Variants in LAMA2 observed in about 807,000 individuals in gnomAD.
The protein encoded by LAMA2 is laminin subunit alpha-2.
LAMA2 carries 269 observed loss-of-function variants against 364.8 expected under a neutral mutation model. That is an observed-to-expected ratio of 0.74 (90% CI 0.67 to 0.82). The LOEUF is 0.82. Among genes scored for constraint, LAMA2 ranks in the 40% least tolerant of loss-of-function variants. LAMA2 has a pLI of 0.00. For synonymous variants in LAMA2, 1,379 were observed against 1,370.6 expected (o/e 1.01, Z -0.14); for missense variants, 3,807 against 3,873.2 (o/e 0.98, Z 0.45).
At chr6:128,905,476 A>C (rs1370938288) in intron 1 of LAMA2, 1 of 152,136 alleles carries the variant, frequency 6.6e-6, no homozygotes, top group East Asian at 1.9e-4. Context: ...GATTAGGACT[A>C]TTGCAGTTAT....
At chr6:129,431,314 G>T (rs1781579769) in intron 41 of LAMA2, among the ~76,000 whole-genome samples, 1 of 151,514 alleles carries the variant, frequency 6.6e-6, no homozygotes, top group Admixed American at 6.6e-5. Context: ...TAGGAGAATT[G>T]CTGGAACCCA....
rs529373188 is a variant in LAMA2 at position 129,221,713 on chromosome 6, C to G, written c.1783-28399C>G. Among the ~76,000 whole-genome samples the G allele has an allele frequency of 7.9e-5, 12 of 152,212 alleles. No homozygotes were observed. In the East Asian group the frequency reaches 2.3e-3, roughly 29 times the overall value. ...TTTTAAAGTTTAATATTCACACACCCTATGACCCAACAATTTTCTAGATGT... is the reference window on the plus strand; with the variant it reads ...TTTTAAAGTTTAATATTCACACACCGTATGACCCAACAATTTTCTAGATGT... On this transcript the variant is annotated intron_variant, in intron 12 of 64. Coordinates refer to ENST00000421865, the MANE Select transcript of LAMA2 (RefSeq NM_000426.4).
intron 16 of LAMA2, among the ~76,000 whole-genome samples, chr6:129,270,266 TACACACACACACACACACACACACACAC>T (rs10522614): frequency 1.4e-5 from 2 of 142,934 alleles, no homozygotes; most frequent in African/African-American, 5.3e-5. Context: ...GCTCTATGAC[TACACACACACACACACACACACACACAC>T]ACACACACAC....
At position 129,205,478 on chromosome 6, in the gene LAMA2, G is replaced by GTATATATATATATATATATATATA. The variant is rs749614184; in HGVS notation, c.1782+12641_1782+12642insTATATATATATATATATATATATA. Among the ~76,000 whole-genome samples, 142 of 116,138 alleles carry GTATATATATATATATATATATATA rather than the reference G, an allele frequency of 1.2e-3. 1 individual carries two copies. Among genetic ancestry groups the GTATATATATATATATATATATATA allele is most frequent in the African/African-American group, 3.5e-3 (76 of 21,902 alleles). 76.2% of individuals were successfully genotyped at this position (116,138 alleles called of 152,430 possible). A position where few individuals can be genotyped will look rare whatever the true frequency, so the allele number is the denominator to read the frequency against. ...TCTCTTCTGGGAATTTATTCTGTAAGTATATATATATATATACACACACAC... is the reference window on the plus strand; with the variant it reads ...TCTCTTCTGGGAATTTATTCTGTAAGTATATATATATATATATATATATATATATATATATATATACACACACAC... On this transcript the variant is annotated intron_variant, in intron 12 of 64. Coordinates refer to ENST00000421865, the MANE Select transcript of LAMA2 (RefSeq NM_000426.4).
At chr6:128,923,599 AG>A (rs1429182676) in intron 1 of LAMA2, among the ~76,000 whole-genome samples, 1 of 152,176 alleles carries the variant, frequency 6.6e-6, no homozygotes, top group African/African-American at 2.4e-5. Flanking sequence ...GAAAGGATGA[AG>A]ATATAGATAG....
chr6:129,471,834 GT>G (rs1472712898), intron 51 of LAMA2, among the ~76,000 whole-genome samples: 1 of 151,794 alleles, frequency 6.6e-6, no homozygotes, highest in Non-Finnish European at 1.5e-5. Flanking sequence ...CAAAAGTCTG[GT>G]TTGAGGTGTC....
intron 4 of LAMA2, among the ~76,000 whole-genome samples, chr6:129,133,537 C>G (rs779275693): frequency 1.3e-5 from 2 of 152,108 alleles, no homozygotes; most frequent in Non-Finnish European, 2.9e-5. Flanking sequence ...AGGCAAGTGT[C>G]AGAGTGTGGG....
intron 14 of LAMA2, among the ~76,000 whole-genome samples, chr6:129,255,600 T>A (rs544778748): frequency 6.6e-6 from 1 of 152,086 alleles, no homozygotes; most frequent in East Asian, 1.9e-4. Context: ...ACGATATAAC[T>A]CATGAGTATT....
intron 30 of LAMA2, among the ~76,000 whole-genome samples, chr6:129,343,997 T>A (rs1776410213): frequency 6.6e-6 from 1 of 152,112 alleles, no homozygotes; most frequent in Non-Finnish European, 1.5e-5. Context: ...AATTTCATGA[T>A]CACAGATGAA....
At chr6:129,077,894 A>C (rs1385189290) in intron 3 of LAMA2, among the ~76,000 whole-genome samples, 1 of 152,200 alleles carries the variant, frequency 6.6e-6, no homozygotes, top group Non-Finnish European at 1.5e-5. Flanking sequence ...GGCAGAGCAA[A>C]AGGATTTTTA....
chr6:129,048,019 G>A (rs1787653161), intron 1 of LAMA2, among the ~76,000 whole-genome samples: 1 of 152,070 alleles, frequency 6.6e-6, no homozygotes, highest in Non-Finnish European at 1.5e-5. Flanking sequence ...GCTGTAATCA[G>A]GAGCGAGTTA....
intron 3 of LAMA2, among the ~76,000 whole-genome samples, chr6:129,064,726 T>C (rs1183816716): frequency 1.3e-5 from 2 of 151,984 alleles, no homozygotes; most frequent in African/African-American, 4.8e-5. Context: ...AAGAAATAGA[T>C]AACATGAGCA....
chr6:129,123,738 G>A (rs1188927974), intron 4 of LAMA2, among the ~76,000 whole-genome samples: 1 of 151,984 alleles, frequency 6.6e-6, no homozygotes, highest in Non-Finnish European at 1.5e-5. Context: ...GGTTGGAGGG[G>A]GAAACAGGAA....
chr6:129,311,822 A>C (rs1306760127), intron 22 of LAMA2, among the ~76,000 whole-genome samples: 2 of 152,238 alleles, frequency 1.3e-5, no homozygotes, highest in Non-Finnish European at 2.9e-5. Context: ...AGATTGCAAT[A>C]GGGTAATGAA....
rs1786674804 is a variant in LAMA2, at chr6:129,512,496, G to A, written c.8988+3G>A. 6.2e-7 allele frequency: 1 copy of A among 1,613,422 alleles called. No individual in the cohort carries two copies. Among genetic ancestry groups the A allele is most frequent in the Non-Finnish European group, 8.5e-7 (1 of 1,179,434 alleles). On this transcript the variant is annotated splice_donor_region_variant and intron_variant, in intron 63 of 64. Transcript: ENST00000421865. ...GTATTGAAATGATTGATGAAAAGGTGAGTGTCAGCAATGCAAACATTTCTG... is the reference window on the plus strand; with the variant it reads ...GTATTGAAATGATTGATGAAAAGGTAAGTGTCAGCAATGCAAACATTTCTG...
chr6:129,017,074 T>C (rs6928642), intron 1 of LAMA2, among the ~76,000 whole-genome samples: 26,500 of 151,826 alleles, frequency 0.17, 2,779 homozygotes, highest in African/African-American at 0.29. Flanking sequence ...GACTTCTGCA[T>C]CGCAAACCAG....
At chr6:129,287,826 T>TTA in intron 18 of LAMA2, 21 bp from the exon 19 acceptor site, 3 of 1,602,506 alleles carry the variant, frequency 1.9e-6, no homozygotes, top group Non-Finnish European at 2.6e-6. Flanking sequence ...AAAGGCTCAC[T>TTA]GATGAAATTT....
chr6:129,492,540 T>A, intron 58 of LAMA2, 57 bp downstream of exon 58: 1 of 1,459,994 alleles, frequency 6.8e-7, no homozygotes, highest in Non-Finnish European at 9.6e-7. Context: ...TTCTGAGTCA[T>A]TTCAGAAGGA....
intron 1 of LAMA2, among the ~76,000 whole-genome samples, chr6:128,892,405 C>T (rs959904736): frequency 6.6e-6 from 1 of 151,914 alleles, no homozygotes; most frequent in African/African-American, 2.4e-5. Context: ...AAATGTGGTA[C>T]AATAAACGTT....
Sources: allele counts gnomAD v4.1 joint callset (sites outside exome capture counted in the v4.1 genomes callset), GRCh38; gene constraint gnomAD v4.1.1; transcripts MANE v1.5; gene names NCBI Gene and HGNC (gene_info 2026-07-23, HGNC 2026-07-21).